Variants in EYA1 observed in about 807,000 individuals in gnomAD.
EYA1 encodes EYA transcriptional coactivator and phosphatase 1.
In EYA1, 16 loss-of-function variants were observed where a neutral mutation model predicts 82.0. That is an observed-to-expected ratio of 0.20 (90% CI 0.13 to 0.30). The LOEUF (loss-of-function observed/expected upper bound fraction) is 0.30, where lower values mean the gene tolerates loss of function less well. Among genes scored for constraint, EYA1 ranks in the 10% least tolerant of loss-of-function variants. The pLI, the probability that EYA1 is intolerant of heterozygous loss-of-function variation, is 1.00. For missense variants in EYA1, 633 were observed against 730.7 expected, an observed-to-expected ratio of 0.87 and a Z score of 1.54; for synonymous variants, 261 against 264.4, an observed-to-expected ratio of 0.99 and a Z score of 0.12.
chr8:71,296,003 T>C (rs530704607), intron 9 of EYA1, among the ~76,000 whole-genome samples: 3 of 152,302 alleles, frequency 2.0e-5, no homozygotes, highest in African/African-American at 4.8e-5. Context: ...TAAAATCTCA[T>C]TGACTAGAAA....
At chr8:71,276,965 A>G (rs1417485078) in intron 9 of EYA1, among the ~76,000 whole-genome samples, 1 of 152,024 alleles carries the variant, frequency 6.6e-6, no homozygotes, top group Non-Finnish European at 1.5e-5. Context: ...TTAGCACTCT[A>G]CGATGTTAGC....
intron 12 of EYA1, among the ~76,000 whole-genome samples, chr8:71,234,150 C>T (rs1200939418): frequency 6.6e-6 from 1 of 152,232 alleles, no homozygotes; most frequent in African/African-American, 2.4e-5. Flanking sequence ...GGATTTCATT[C>T]TGTCTTGCTA....
At chr8:71,498,497 C>T (rs889709850) in intron 2 of EYA1, among the ~76,000 whole-genome samples, 3 of 152,122 alleles carry the variant, frequency 2.0e-5, no homozygotes, top group African/African-American at 7.2e-5. Context: ...AATATTTTCA[C>T]ACAAACTGAG....
At chr8:71,288,707 C>T (rs888357176) in intron 9 of EYA1, among the ~76,000 whole-genome samples, 17 of 152,136 alleles carry the variant, frequency 1.1e-4, no homozygotes, top group Non-Finnish European at 1.8e-4. Flanking sequence ...CTCACAGAAA[C>T]GATGTCAGAC....
At chr8:71,231,665 C>T (rs1178633218) in intron 12 of EYA1, among the ~76,000 whole-genome samples, 1 of 152,218 alleles carries the variant, frequency 6.6e-6, no homozygotes, top group Non-Finnish European at 1.5e-5. Context: ...ATATTTTATC[C>T]TCAGTGCCTA....
Position 71,398,368 on chromosome 8 carries a change from G to C in EYA1, c.34-41857C>G, listed in dbSNP as rs1329713264. Among the ~76,000 whole-genome samples, 4 of 152,154 alleles carry C rather than the reference G, an allele frequency of 2.6e-5. 1 individual carries two copies. The highest frequency in any genetic ancestry group is 1.3e-4 in the Admixed American group (2 of 15,280). On this transcript the variant is annotated intron_variant, in intron 2 of 18. Coordinates refer to the EYA1 transcript ENST00000643681. ...ACCTGCGTTCCTTTGGAGGAGAAAAGGCACTCTGATTTTTAGAATTTTCAG... is the reference window on the plus strand; with the variant it reads ...ACCTGCGTTCCTTTGGAGGAGAAAACGCACTCTGATTTTTAGAATTTTCAG...
At chr8:71,203,279 G>A (rs1314837763) in intron 17 of EYA1, among the ~76,000 whole-genome samples, 2 of 152,114 alleles carry the variant, frequency 1.3e-5, no homozygotes, top group African/African-American at 4.8e-5. Context: ...AACAAAGTCT[G>A]TTACCTGCAT....
chr8:71,313,553 A>G (rs1290903798), intron 7 of EYA1, among the ~76,000 whole-genome samples: 1 of 152,216 alleles, frequency 6.6e-6, no homozygotes, highest in East Asian at 1.9e-4. Flanking sequence ...AGTTCTTACT[A>G]TGTACCACAG....
intron 2 of EYA1, among the ~76,000 whole-genome samples, chr8:71,533,144 T>G (rs1814428246): frequency 1.3e-5 from 2 of 152,318 alleles, no homozygotes; most frequent in South Asian, 4.1e-4. Context: ...GTACTGAGTG[T>G]GAAGGGTCCA....
intron 2 of EYA1, among the ~76,000 whole-genome samples, chr8:71,419,972 T>C (rs1465589239): frequency 6.6e-6 from 1 of 152,162 alleles, no homozygotes; most frequent in African/African-American, 2.4e-5. Context: ...GAGGGCTAAA[T>C]ACTTCTTCCC....
intron 3 of EYA1, among the ~76,000 whole-genome samples, chr8:71,340,763 CA>C (rs1013032692): frequency 1.3e-5 from 2 of 151,906 alleles, no homozygotes; most frequent in East Asian, 3.9e-4. Flanking sequence ...CCTCTAAGAC[CA>C]AAAAAACTCA....
intron 2 of EYA1, among the ~76,000 whole-genome samples, chr8:71,484,411 C>A (rs1158014849): frequency 2.0e-5 from 3 of 152,192 alleles, no homozygotes; most frequent in African/African-American, 4.8e-5. Context: ...TTAGGTATTT[C>A]TCTTGTAACC....
At chr8:71,393,203 T>C (rs1272328111) in intron 2 of EYA1, among the ~76,000 whole-genome samples, 1 of 152,076 alleles carries the variant, frequency 6.6e-6, no homozygotes, top group African/African-American at 2.4e-5. Flanking sequence ...ATTTAATGAG[T>C]TCATAATTAT....
intron 3 of EYA1, among the ~76,000 whole-genome samples, chr8:71,335,126 T>C (rs1387753759): frequency 6.6e-6 from 1 of 152,244 alleles, no homozygotes; most frequent in East Asian, 1.9e-4. Flanking sequence ...TATTCATTTC[T>C]TAGTAACAGA....
At chr8:71,249,968 A>T (rs1813547327) in intron 11 of EYA1, among the ~76,000 whole-genome samples, 1 of 151,680 alleles carries the variant, frequency 6.6e-6, no homozygotes. Flanking sequence ...AATCAATTTC[A>T]ACACTCTGTC....
intron 2 of EYA1, among the ~76,000 whole-genome samples, chr8:71,535,395 T>C (rs565837133): frequency 6.6e-6 from 1 of 152,242 alleles, no homozygotes; most frequent in South Asian, 2.1e-4. Context: ...ATCCAAAAAA[T>C]TGACATTAAT....
chr8:71,347,312 TTTTA>T (rs151215046), intron 3 of EYA1, among the ~76,000 whole-genome samples: 50 of 151,808 alleles, frequency 3.3e-4, no homozygotes, highest in Admixed American at 1.9e-3. Context: ...CTAAAGATTG[TTTTA>T]TTTATTTATT....
At chr8:71,428,175 A>G (rs1378519207) in intron 2 of EYA1, among the ~76,000 whole-genome samples, 1 of 152,078 alleles carries the variant, frequency 6.6e-6, no homozygotes. Flanking sequence ...TTGCCCAGAG[A>G]GTGCTTTGGT....
intron 9 of EYA1, among the ~76,000 whole-genome samples, chr8:71,294,879 G>A (rs961518999): frequency 6.6e-6 from 1 of 152,126 alleles, no homozygotes; most frequent in African/African-American, 2.4e-5. Flanking sequence ...TGGTATTGGT[G>A]AAAAAATAGA....
Sources: gnomAD v4.1 joint callset for allele counts (sites outside exome capture counted in the v4.1 genomes callset) on GRCh38, gnomAD v4.1.1 for gene constraint, MANE v1.5 for transcripts, NCBI Gene and HGNC (gene_info 2026-07-23, HGNC 2026-07-21) for gene names.